The following NUDT2 variants were observed in gnomAD, a reference collection of about 807,000 sequenced individuals.
NUDT2 encodes bis(5'-nucleosyl)-tetraphosphatase [asymmetrical].
NUDT2 carries 12 observed loss-of-function variants against 14.2 expected under a neutral mutation model. The observed-to-expected ratio is 0.84, with a 90% CI of 0.54 to 1.37. NUDT2 has a LOEUF of 1.37. NUDT2 is among the 40% of genes most tolerant of loss of function. The pLI, the probability that NUDT2 is intolerant of heterozygous loss-of-function variation, is 0.00. For synonymous variants in NUDT2, 67 were observed against 67.4 expected (o/e 0.99, Z 0.03); for missense variants, 167 against 176.7 (o/e 0.95, Z 0.31).
intron 1 of NUDT2, among the ~76,000 whole-genome samples, chr9:34,334,111 A>G (rs548349001): frequency 3.3e-5 from 5 of 152,200 alleles, no homozygotes; most frequent in Admixed American, 2.0e-4. Flanking sequence ...CTAAAGTTAC[A>G]TTTCTGAGGG....
rs561229087 is a variant in NUDT2, at chr9:34,339,405, C to T, written c.127+239C>T. Among the ~76,000 whole-genome samples the T allele has an allele frequency of 4.6e-5, 7 of 152,252 alleles. No homozygotes were observed. In the South Asian group the frequency reaches 1.0e-3, roughly 23 times the overall value. On this transcript the variant is annotated intron_variant, in intron 4 of 4. Coordinates refer to ENST00000379158, the MANE Select transcript of NUDT2 (RefSeq NM_001161.5). ...ACCTGGTGTTTTTATGAGTATCATT[C>T]GCCAGCTCTCCAACCTCTGTGGTGA...
At chr9:34,341,584 G>A (rs541974530) in intron 4 of NUDT2, among the ~76,000 whole-genome samples, 1 of 152,144 alleles carries the variant, frequency 6.6e-6, no homozygotes, top group Admixed American at 6.5e-5. Context: ...ATCTTGGCTC[G>A]CTGCAACCTC....
Position 34,339,185 on chromosome 9 carries a change from A to G in NUDT2, c.127+19A>G. On this transcript the variant is annotated intron_variant, in intron 4 of 4. Coordinates refer to ENST00000379158, the MANE Select transcript of NUDT2 (RefSeq NM_001161.5). ...CCCAAAGGTAGAGGCCAGAGGGGCC[A>G]GCTCTTGGGAAACTGCCAACCACTG... 1 of 1,606,176 alleles carries G rather than the reference A, an allele frequency of 6.2e-7. No individual in the cohort carries two copies. Among genetic ancestry groups the G allele is most frequent in the Non-Finnish European group, 8.5e-7 (1 of 1,173,802 alleles).
At chr9:34,335,364 G>A (rs895228632) in intron 1 of NUDT2, among the ~76,000 whole-genome samples, 2 of 152,166 alleles carry the variant, frequency 1.3e-5, no homozygotes, top group African/African-American at 4.8e-5. Context: ...AGAGTTGCAT[G>A]GATTTATCCA....
At chr9:34,338,354 A>AAAAAAAAAAAAAAAAAAAAAAAAAT (rs1838150201) in intron 2 of NUDT2, among the ~76,000 whole-genome samples, 1 of 142,952 alleles carries the variant, frequency 7.0e-6, no homozygotes, top group Non-Finnish European at 1.5e-5. Flanking sequence ...AAAAAAAAAA[A>AAAAAAAAAAAAAAAAAAAAAAAAAT]AAATTGGCCA....
intron 1 of NUDT2, among the ~76,000 whole-genome samples, chr9:34,331,326 G>A (rs891931163): frequency 6.6e-6 from 1 of 152,172 alleles, no homozygotes; most frequent in Non-Finnish European, 1.5e-5. Context: ...CTCTGATAAT[G>A]TCAGACCCTC....
chr9:34,330,308 G>A (rs1837865692), intron 1 of NUDT2, among the ~76,000 whole-genome samples: 1 of 152,226 alleles, frequency 6.6e-6, no homozygotes, highest in African/African-American at 2.4e-5. Flanking sequence ...GGGAGGCTGA[G>A]GCAGGAGAAT....
intron 2 of NUDT2, among the ~76,000 whole-genome samples, chr9:34,336,678 A>G (rs2131857041): frequency 6.6e-6 from 1 of 152,226 alleles, no homozygotes. Context: ...AGTAGCTGGA[A>G]GTACAGGTGC....
At chr9:34,341,756 C>A (rs892982352) in intron 4 of NUDT2, among the ~76,000 whole-genome samples, 1 of 152,304 alleles carries the variant, frequency 6.6e-6, no homozygotes, top group South Asian at 2.1e-4. Flanking sequence ...ATGATCCACC[C>A]GCCTCGGCCT....
intron 1 of NUDT2, among the ~76,000 whole-genome samples, chr9:34,335,191 T>C (rs993974741): frequency 6.6e-6 from 1 of 152,138 alleles, no homozygotes. Context: ...TGAAAGGAAG[T>C]TGTGGGTTTC....
chr9:34,329,802 A>AG (rs1019063750), intron 1 of NUDT2, among the ~76,000 whole-genome samples: 1 of 152,122 alleles, frequency 6.6e-6, no homozygotes, highest in Non-Finnish European at 1.5e-5. Context: ...CACCGGGAGA[A>AG]GGGAGGTTCC....
intron 1 of NUDT2, among the ~76,000 whole-genome samples, chr9:34,330,532 A>G (rs997706921): frequency 2.6e-5 from 4 of 152,266 alleles, no homozygotes; most frequent in Non-Finnish European, 5.9e-5. Context: ...TCACTTACCC[A>G]GACATCTCTG....
intron 4 of NUDT2, among the ~76,000 whole-genome samples, chr9:34,342,765 C>A (rs999696832): frequency 1.3e-5 from 2 of 152,010 alleles, no homozygotes; most frequent in African/African-American, 4.8e-5. Flanking sequence ...ACCTGTAATC[C>A]CAACACTTTG....
Position 34,343,302 on chromosome 9 carries a change from C to T in NUDT2, c.306C>T (p.Asp102=), listed in dbSNP as rs775475677. Residue 102 remains aspartate, a synonymous_variant, in exon 5 of 5, where the codon GAC becomes GAT. Coordinates refer to ENST00000379158, the MANE Select transcript of NUDT2 (RefSeq NM_001161.5). ...IYWLAEVKDY[D]VEIRLSHEHQ... The stretch of plus-strand genomic sequence containing the variant: ...GGCTGGCGGAGGTGAAGGACTATGA[C>T]GTGGAGATCCGCCTCTCCCATGAGC... The T allele has an allele frequency of 1.6e-5, 25 of 1,611,738 alleles. No homozygotes were observed. The Admixed American group carries it at 1.8e-4, about 12-fold the overall frequency.
intron 1 of NUDT2, among the ~76,000 whole-genome samples, chr9:34,334,265 T>A (rs1838029487): frequency 6.6e-6 from 1 of 152,208 alleles, no homozygotes; most frequent in South Asian, 2.1e-4. Context: ...GCCGAGAATA[T>A]TTTTCCTTAG....
chr9:34,332,089 C>G (rs546351919), intron 1 of NUDT2, among the ~76,000 whole-genome samples: 1 of 152,314 alleles, frequency 6.6e-6, no homozygotes, highest in South Asian at 2.1e-4. Context: ...TAATTCGTTC[C>G]CCAGCTTGCT....
intron 1 of NUDT2, among the ~76,000 whole-genome samples, chr9:34,330,726 C>T (rs1468154605): frequency 6.6e-6 from 1 of 152,156 alleles, no homozygotes; most frequent in African/African-American, 2.4e-5. Flanking sequence ...CTTTGGGAGG[C>T]CGAGGCGGGC....
At position 34,343,161 on chromosome 9, in the gene NUDT2, C is replaced by A; in HGVS notation, c.165C>A (p.Ala55=). ...VEPGEDDLET[A]LRETQEEAGI... is the part of the protein sequence containing the mutation. ...CAGGAGAGGATGACTTGGAAACAGCCCTGAGGGAGACCCAAGAGGAAGCAG... is the reference window on the plus strand; with the variant it reads ...CAGGAGAGGATGACTTGGAAACAGCACTGAGGGAGACCCAAGAGGAAGCAG... Residue 55 remains alanine, a synonymous_variant, in exon 5 of 5, where the codon GCC becomes GCA. Transcript: ENST00000379158. The A allele has an allele frequency of 6.2e-7, 1 of 1,613,964 alleles. No homozygotes were observed. Among genetic ancestry groups the A allele is most frequent in the South Asian group, 1.1e-5 (1 of 91,084 alleles).
chr9:34,333,857 A>G (rs11788425), intron 1 of NUDT2, among the ~76,000 whole-genome samples: 53,247 of 151,952 alleles, frequency 0.35, 10,785 homozygotes, highest in South Asian at 0.58. Context: ...CTATGCCCTT[A>G]TGCAAGTATT....
Sources: gnomAD v4.1 joint callset for allele counts (sites outside exome capture counted in the v4.1 genomes callset) on GRCh38, gnomAD v4.1.1 for gene constraint, MANE v1.5 for transcripts, NCBI Gene and HGNC (gene_info 2026-07-23, HGNC 2026-07-21) for gene names.